The following GAD2 variants were observed in gnomAD, a reference collection of about 807,000 sequenced individuals.
GAD2 encodes 65 kDa glutamic acid decarboxylase.
Under a neutral mutation model 80.1 loss-of-function variants are expected in GAD2, and 22 were observed. The ratio of observed to expected loss-of-function variants is 0.27; its 90% CI spans 0.20 to 0.39. The LOEUF (loss-of-function observed/expected upper bound fraction) is 0.39. Among genes scored for constraint, GAD2 ranks in the 10% least tolerant of loss-of-function variants. The pLI, the probability that GAD2 is intolerant of heterozygous loss-of-function variation, is 1.00. For missense variants in GAD2, 624 were observed against 738.4 expected (o/e 0.85, Z 1.80); for synonymous variants, 274 against 256.9 (o/e 1.07, Z -0.64).
chr10:26,233,006 T>G (rs552857927), intron 7 of GAD2, among the ~76,000 whole-genome samples: 1 of 152,310 alleles, frequency 6.6e-6, no homozygotes, highest in Non-Finnish European at 1.5e-5. Context: ...AATAGTTTTT[T>G]TAATATATAA....
chr10:26,240,044 A>T (rs909300540), intron 7 of GAD2, among the ~76,000 whole-genome samples: 1 of 152,242 alleles, frequency 6.6e-6, no homozygotes, highest in East Asian at 1.9e-4. Context: ...TTTGGATGAA[A>T]TCAGCAATGG....
chr10:26,227,391 A>G (rs543115384), intron 6 of GAD2, among the ~76,000 whole-genome samples: 26 of 152,148 alleles, frequency 1.7e-4, no homozygotes, highest in African/African-American at 6.3e-4. Flanking sequence ...TCTTTCTCTC[A>G]CTCAGAGCTG....
chr10:26,229,901 G>C (rs1237985249), intron 7 of GAD2, 124 bp downstream of exon 7: 1 of 681,648 alleles, frequency 1.5e-6, no homozygotes, highest in African/African-American at 1.8e-5. Flanking sequence ...GGGAGGGAAT[G>C]GGGGAGAAAG....
At chr10:26,260,651 G>C (rs1589147016) in intron 8 of GAD2, among the ~76,000 whole-genome samples, 1 of 152,004 alleles carries the variant, frequency 6.6e-6, no homozygotes, top group Non-Finnish European at 1.5e-5. Flanking sequence ...AAACTTTCCA[G>C]ACGTAGAATT....
chr10:26,264,459 C>G (rs541571833), intron 8 of GAD2, among the ~76,000 whole-genome samples: 1 of 152,108 alleles, frequency 6.6e-6, no homozygotes, highest in African/African-American at 2.4e-5. Flanking sequence ...CAGGTGCCCA[C>G]CACCACGCCC....
chr10:26,246,251 C>T (rs8190672), intron 8 of GAD2, among the ~76,000 whole-genome samples: 225 of 152,296 alleles, frequency 1.5e-3, no homozygotes, highest in African/African-American at 5.1e-3. Context: ...ATATTCTACA[C>T]CAAGAAAGTG....
Position 26,243,883 on chromosome 10 carries a change from A to G in GAD2, c.841-2038A>G, listed in dbSNP as rs77335147. ...GGTAACATATAAGCCTGGGAGCCAT[A>G]CAATACATAGCTGCTGGAGCTGGTT... is the stretch of plus-strand genomic sequence containing the variant. On this transcript the variant is annotated intron_variant, in intron 7 of 15. Coordinates refer to ENST00000376261, the MANE Select transcript of GAD2 (RefSeq NM_001134366.2). 6.9e-3 allele frequency among the ~76,000 whole-genome samples: 1,046 copies of G among 152,334 alleles called. 15 individuals carry two copies. The highest frequency in any genetic ancestry group is 0.022 in the African/African-American group (924 of 41,574).
At chr10:26,284,564 CTTTTTTTTTTT>C (rs35046451) in intron 12 of GAD2, among the ~76,000 whole-genome samples, 11 of 93,162 alleles carry the variant, frequency 1.2e-4, no homozygotes, top group African/African-American at 3.1e-4. Context: ...GGCTGTTCAG[CTTTTTTTTTTT>C]TTTTTTTTTT....
chr10:26,299,532 C>G (rs1386797091), intron 15 of GAD2, among the ~76,000 whole-genome samples: 1 of 152,082 alleles, frequency 6.6e-6, no homozygotes, highest in Non-Finnish European at 1.5e-5. Context: ...TTTGCTTCTT[C>G]CTAGATAGCT....
chr10:26,250,288 TG>T (rs1844863205), intron 8 of GAD2, among the ~76,000 whole-genome samples: 1 of 152,192 alleles, frequency 6.6e-6, no homozygotes, highest in Admixed American at 6.5e-5. Flanking sequence ...GTAGCTGGGA[TG>T]AGTCATCACA....
chr10:26,218,922 C>A (rs1844419294), intron 3 of GAD2, 121 bp from the exon 4 acceptor site: 1 of 680,170 alleles, frequency 1.5e-6, no homozygotes. Context: ...TTCTGCCTTT[C>A]CAAAAGCTTT....
chr10:26,217,017 GGGCTA>G lies in GAD2; in HGVS notation c.76+133_76+137del. On this transcript the variant is annotated intron_variant, in intron 1 of 15. Coordinates refer to ENST00000376261, the MANE Select transcript of GAD2 (RefSeq NM_001134366.2). This position sits in a 1 kb window ranked among gnomAD's most constrained non-coding sequence, Gnocchi z 4.9. ...TCTTCGGGCGCTTCTCCCTGCTTTTGGGCTAAGTCCTTGACGGCCCAAGAGCTCAA... is the reference window on the plus strand; with the variant it reads ...TCTTCGGGCGCTTCTCCCTGCTTTTGAGTCCTTGACGGCCCAAGAGCTCAA... 1.4e-6 allele frequency: 1 copy of G among 740,174 alleles called. No individual in the cohort carries two copies. The highest frequency in any genetic ancestry group is 2.6e-5 in the Admixed American group (1 of 39,062). The allele number at this position is 740,174 out of a possible 1,614,324, so 45.9% of individuals were successfully genotyped here.
chr10:26,272,730 G>C (rs1358948863), intron 10 of GAD2, among the ~76,000 whole-genome samples: 1 of 152,070 alleles, frequency 6.6e-6, no homozygotes, highest in Non-Finnish European at 1.5e-5. Context: ...CAGGCATGGT[G>C]GTGGGTGCCT....
chr10:26,270,980 C>G (rs1431759776), intron 10 of GAD2, among the ~76,000 whole-genome samples: 2 of 152,170 alleles, frequency 1.3e-5, no homozygotes, highest in Non-Finnish European at 2.9e-5. Context: ...ATGTCCCCAA[C>G]ATGGTAATAT....
intron 8 of GAD2, among the ~76,000 whole-genome samples, chr10:26,264,522 G>A (rs1845045403): frequency 6.6e-6 from 1 of 151,992 alleles, no homozygotes; most frequent in African/African-American, 2.4e-5. Flanking sequence ...GTGTTAGCCA[G>A]GATGGTCTCG....
chr10:26,229,317 C>G (rs1351107263), intron 6 of GAD2, among the ~76,000 whole-genome samples: 4 of 151,270 alleles, frequency 2.6e-5, no homozygotes, highest in African/African-American at 7.3e-5. Context: ...CCAGATATAA[C>G]CAGAATTTTA....
At chr10:26,270,443 C>T (rs1054172278) in intron 9 of GAD2, among the ~76,000 whole-genome samples, 197 bp from the exon 10 acceptor site, 1 of 152,204 alleles carries the variant, frequency 6.6e-6, no homozygotes, top group African/African-American at 2.4e-5. Flanking sequence ...TCAGGTCCAA[C>T]AGCATAGCCT....
At chr10:26,251,087 A>C in intron 8 of GAD2, among the ~76,000 whole-genome samples, 1 of 140,610 alleles carries the variant, frequency 7.1e-6, no homozygotes. Context: ...TTTTTAGTAG[A>C]GATGGGGTTT....
At chr10:26,264,966 CT>C (rs1203604853) in intron 8 of GAD2, among the ~76,000 whole-genome samples, 1 of 152,122 alleles carries the variant, frequency 6.6e-6, no homozygotes, top group Non-Finnish European at 1.5e-5. Context: ...ATCTGCAAGC[CT>C]GCCTAGAAAT....
Sources: allele counts gnomAD v4.1 joint callset (sites outside exome capture counted in the v4.1 genomes callset), GRCh38; gene constraint gnomAD v4.1.1; non-coding constraint Gnocchi (gnomAD v3.1); transcripts MANE v1.5; gene names NCBI Gene and HGNC (gene_info 2026-07-23, HGNC 2026-07-21).